The following GRM8 variants were observed in gnomAD, a reference collection of about 807,000 sequenced individuals.
GRM8 encodes metabotropic glutamate receptor 8.
GRM8 carries 47 observed loss-of-function variants against 87.2 expected under a neutral mutation model. That is an observed-to-expected ratio of 0.54 (90% CI 0.43 to 0.69). The LOEUF (loss-of-function observed/expected upper bound fraction) is 0.69. Ranked by LOEUF, GRM8 falls within the 30% of genes least tolerant of loss-of-function variation. The pLI is 0.00. For missense variants in GRM8, 1,019 were observed against 1,139.2 expected (o/e 0.89, Z 1.52); for synonymous variants, 396 against 404.5 (o/e 0.98, Z 0.25).
At chr7:126,821,470 T>TA (rs1794294233) in intron 6 of GRM8, among the ~76,000 whole-genome samples, 1 of 152,168 alleles carries the variant, frequency 6.6e-6, no homozygotes, top group African/African-American at 2.4e-5. Flanking sequence ...ATAGTATAGT[T>TA]ACGAACAGGG....
chr7:126,481,976 T>C (rs1023613625), intron 9 of GRM8, among the ~76,000 whole-genome samples: 1 of 152,036 alleles, frequency 6.6e-6, no homozygotes, highest in South Asian at 2.1e-4. Context: ...ATCAAACAAC[T>C]ATATTAAGAA....
chr7:126,851,619 G>T (rs1797221012), intron 6 of GRM8, among the ~76,000 whole-genome samples: 1 of 151,964 alleles, frequency 6.6e-6, no homozygotes, highest in African/African-American at 2.4e-5. Flanking sequence ...GGTCTTCTCT[G>T]CCCAGATGAC....
chr7:126,965,211 A>G (rs753488758), intron 3 of GRM8, among the ~76,000 whole-genome samples: 2 of 152,122 alleles, frequency 1.3e-5, no homozygotes, highest in Non-Finnish European at 2.9e-5. Context: ...CCTAATTTAG[A>G]TGACAGGTTG....
chr7:126,740,843 C>T (rs963263033), intron 7 of GRM8, among the ~76,000 whole-genome samples: 6 of 151,990 alleles, frequency 3.9e-5, no homozygotes, highest in African/African-American at 9.7e-5. Flanking sequence ...AAGAAAATAC[C>T]GAAGCATAGA....
At chr7:127,144,796 A>G (rs1208184503) in intron 2 of GRM8, among the ~76,000 whole-genome samples, 3 of 152,120 alleles carry the variant, frequency 2.0e-5, no homozygotes, top group Non-Finnish European at 2.9e-5. Flanking sequence ...GACATTTTAC[A>G]GCTGATTAAT....
chr7:126,459,702 C>T (rs1291108911), intron 9 of GRM8, among the ~76,000 whole-genome samples: 2 of 151,426 alleles, frequency 1.3e-5, no homozygotes, highest in Non-Finnish European at 3.0e-5. Flanking sequence ...TCCACTCACC[C>T]CTTATCCCTG....
At chr7:126,888,615 T>G (rs1319899767) in intron 6 of GRM8, among the ~76,000 whole-genome samples, 1 of 152,136 alleles carries the variant, frequency 6.6e-6, no homozygotes, top group Non-Finnish European at 1.5e-5. Context: ...AATCTCCCTG[T>G]GGTTTGCTGA....
At chr7:127,216,985 C>T (rs932742067) in intron 2 of GRM8, among the ~76,000 whole-genome samples, 3 of 152,216 alleles carry the variant, frequency 2.0e-5, no homozygotes, top group African/African-American at 7.2e-5. Context: ...AAATTTTCTT[C>T]ACAGTCCATA....
chr7:126,693,270 A>C (rs536622297), intron 7 of GRM8, among the ~76,000 whole-genome samples: 5 of 152,176 alleles, frequency 3.3e-5, no homozygotes, highest in African/African-American at 1.2e-4. Flanking sequence ...TTTCCAACCA[A>C]ATTTCTTTTA....
intron 2 of GRM8, among the ~76,000 whole-genome samples, chr7:127,132,264 A>G (rs1354832522): frequency 6.6e-6 from 1 of 152,216 alleles, no homozygotes; most frequent in Non-Finnish European, 1.5e-5. Context: ...TTTGAGATTC[A>G]CACGCTAACA....
At chr7:126,559,777 C>T (rs1793519740) in intron 8 of GRM8, among the ~76,000 whole-genome samples, 1 of 152,158 alleles carries the variant, frequency 6.6e-6, no homozygotes, top group South Asian at 2.1e-4. Flanking sequence ...TGAATGTAAA[C>T]TATTACTTTA....
intron 8 of GRM8, among the ~76,000 whole-genome samples, chr7:126,555,950 C>T (rs890728717): frequency 6.6e-6 from 1 of 152,172 alleles, no homozygotes; most frequent in African/African-American, 2.4e-5. Flanking sequence ...AAATGAAGTA[C>T]AATGACTATC....
intron 7 of GRM8, among the ~76,000 whole-genome samples, chr7:126,705,537 C>T (rs918982474): frequency 3.3e-5 from 5 of 152,010 alleles, no homozygotes; most frequent in South Asian, 2.1e-4. Flanking sequence ...TATCTGTGTA[C>T]GTGTGTGTAC....
chr7:127,003,892 A>G (rs1207119227), intron 3 of GRM8, among the ~76,000 whole-genome samples: 1 of 151,698 alleles, frequency 6.6e-6, no homozygotes, highest in Non-Finnish European at 1.5e-5. Flanking sequence ...ACACCTTGAC[A>G]ATTAACTCCA....
intron 2 of GRM8, among the ~76,000 whole-genome samples, chr7:127,240,016 G>A (rs1011037858): frequency 1.3e-5 from 2 of 152,128 alleles, no homozygotes; most frequent in Non-Finnish European, 2.9e-5. Flanking sequence ...CCCTCCTGGC[G>A]ATAAGTGACC....
At chr7:126,634,711 TCTC>T (rs1801678838) in intron 7 of GRM8, among the ~76,000 whole-genome samples, 1 of 152,032 alleles carries the variant, frequency 6.6e-6, no homozygotes, top group African/African-American at 2.4e-5. Context: ...ATTTTCATCA[TCTC>T]CACTGAAATG....
At chr7:126,530,753 T>C (rs1814677716) in intron 9 of GRM8, among the ~76,000 whole-genome samples, 1 of 152,270 alleles carries the variant, frequency 6.6e-6, no homozygotes, top group Non-Finnish European at 1.5e-5. Flanking sequence ...TGTTCATTTT[T>C]AATATTCATG....
At chr7:126,832,689 C>T (rs1795507772) in intron 6 of GRM8, among the ~76,000 whole-genome samples, 2 of 152,150 alleles carry the variant, frequency 1.3e-5, no homozygotes, top group Admixed American at 6.5e-5. Context: ...TTTTGCTAAA[C>T]CACATGACTA....
At chr7:126,625,718 T>A (rs1237822845) in intron 7 of GRM8, among the ~76,000 whole-genome samples, 2 of 152,090 alleles carry the variant, frequency 1.3e-5, no homozygotes, top group Non-Finnish European at 1.5e-5. Flanking sequence ...GTGATATGCA[T>A]CTCAGGGAAG....
Sources: gnomAD v4.1 joint callset for allele counts (sites outside exome capture counted in the v4.1 genomes callset) on GRCh38, gnomAD v4.1.1 for gene constraint, MANE v1.5 for transcripts, NCBI Gene and HGNC (gene_info 2026-07-23, HGNC 2026-07-21) for gene names.